The following PDE11A variants were observed in gnomAD, a reference collection of about 807,000 sequenced individuals.
PDE11A encodes the protein phosphodiesterase 11A.
In PDE11A, 100 loss-of-function variants were observed where a neutral mutation model predicts 100.5. The observed-to-expected ratio is 1.00, with a 90% CI of 0.85 to 1.18. The LOEUF (loss-of-function observed/expected upper bound fraction) is 1.18. PDE11A is among the 50% of genes most tolerant of loss of function. The pLI, the probability that PDE11A is intolerant of heterozygous loss-of-function variation, is 0.00. For synonymous variants in PDE11A, 381 were observed against 420.8 expected, an observed-to-expected ratio of 0.91 and a Z score of 1.16; for missense variants, 1,141 against 1,152.6, an observed-to-expected ratio of 0.99 and a Z score of 0.15.
At chr2:177,947,051 G>A (rs1342156305) in intron 2 of PDE11A, among the ~76,000 whole-genome samples, 3 of 103,494 alleles carry the variant, frequency 2.9e-5, no homozygotes, top group African/African-American at 7.1e-5. Context: ...CGCCCCGTCC[G>A]GGAGGTGAGG....
intron 10 of PDE11A, among the ~76,000 whole-genome samples, chr2:177,741,904 C>T (rs1207076811): frequency 7.9e-5 from 12 of 152,238 alleles, no homozygotes; most frequent in South Asian, 4.1e-4. Context: ...CAGTGGTGCA[C>T]GCCTGCAGTC....
At position 177,932,749 on chromosome 2, in the gene PDE11A, T is replaced by C. The variant is rs748115149; in HGVS notation, c.1072-27562A>G. Among the ~76,000 whole-genome samples the C allele has an allele frequency of 7.6e-4, 115 of 151,302 alleles. 1 individual carries two copies. The highest frequency in any genetic ancestry group is 2.9e-4 in the Non-Finnish European group (20 of 67,908). On this transcript the variant is annotated intron_variant, in intron 2 of 19. Transcript: ENST00000286063. The stretch of plus-strand genomic sequence containing the variant: ...AACTGGAAGCATTCCTCTTGAGAAC[T>C]AGAATAAGACAAGGATCCCCACTCT...
At chr2:177,979,592 A>T (rs2085854539) in intron 2 of PDE11A, among the ~76,000 whole-genome samples, 1 of 144,030 alleles carries the variant, frequency 6.9e-6, no homozygotes, top group African/African-American at 2.6e-5. Flanking sequence ...TCAAGTGTGA[A>T]TGGATATCCT....
intron 2 of PDE11A, among the ~76,000 whole-genome samples, chr2:178,095,969 C>T (rs899498799): frequency 6.6e-6 from 1 of 152,120 alleles, no homozygotes; most frequent in Non-Finnish European, 1.5e-5. Context: ...CTGGGCTTGG[C>T]CCACAAAACC....
rs765339865 is a variant in PDE11A, at chr2:178,071,920, CT to C, written c.517del (p.Ser173ValfsTer8). Reference protein sequence around the residue: ...SLPPTTAHILSALLESRVNLP... With the variant: ...SLPPTTAHILXALLESRVNLP... ...ATTCACTCTCGATTCCAGCAGCGCACTGAGAATATGGGCTGTGGTGGGGGGC... is the reference window on the plus strand; with the variant it reads ...ATTCACTCTCGATTCCAGCAGCGCACGAGAATATGGGCTGTGGTGGGGGGC... On this transcript the variant is annotated frameshift_variant, in exon 1 of 20. Transcript: ENST00000286063. LOFTEE classifies it high-confidence loss of function. The C allele has an allele frequency of 8.1e-6, 13 of 1,614,008 alleles. No individual in the cohort carries two copies. Among genetic ancestry groups the C allele is most frequent in the Non-Finnish European group, 1.1e-5 (13 of 1,179,872 alleles).
At chr2:177,936,687 G>A (rs951803934) in intron 2 of PDE11A, among the ~76,000 whole-genome samples, 5 of 152,168 alleles carry the variant, frequency 3.3e-5, no homozygotes, top group East Asian at 1.9e-4. Context: ...TTGGTAGGCC[G>A]AAGTGTGTGG....
At chr2:177,967,068 G>T (rs1045001362) in intron 2 of PDE11A, among the ~76,000 whole-genome samples, 1 of 151,804 alleles carries the variant, frequency 6.6e-6, no homozygotes, top group Non-Finnish European at 1.5e-5. Context: ...ATTGTTTACT[G>T]GTTCATTCCT....
chr2:177,828,087 T>C (rs1462349034), intron 6 of PDE11A, among the ~76,000 whole-genome samples: 5 of 152,194 alleles, frequency 3.3e-5, no homozygotes, highest in Non-Finnish European at 5.9e-5. Flanking sequence ...ATATAAGATA[T>C]AGTCTAAGAT....
chr2:177,982,069 C>A (rs531301595), intron 2 of PDE11A, among the ~76,000 whole-genome samples: 13 of 151,122 alleles, frequency 8.6e-5, no homozygotes, highest in African/African-American at 3.1e-4. Flanking sequence ...GAATGGTGTG[C>A]TAATCGTCTA....
chr2:177,643,711 A>C (rs1231117772), intron 19 of PDE11A, among the ~76,000 whole-genome samples: 1 of 152,232 alleles, frequency 6.6e-6, no homozygotes, highest in Non-Finnish European at 1.5e-5. Context: ...AGGCCATGTC[A>C]GTGGTCTTCA....
chr2:177,760,043 T>C (rs905730227), intron 10 of PDE11A, among the ~76,000 whole-genome samples: 1 of 152,128 alleles, frequency 6.6e-6, no homozygotes, highest in Non-Finnish European at 1.5e-5. Flanking sequence ...ATTTTCCTAC[T>C]CCGCCACTTG....
chr2:177,817,288 C>T (rs2083055902), intron 8 of PDE11A, among the ~76,000 whole-genome samples: 1 of 152,108 alleles, frequency 6.6e-6, no homozygotes, highest in Admixed American at 6.6e-5. Context: ...CTATAAAATA[C>T]TTTGGTAAAG....
intron 19 of PDE11A, among the ~76,000 whole-genome samples, chr2:177,661,805 A>G (rs990689124): frequency 1.3e-5 from 2 of 152,212 alleles, no homozygotes; most frequent in African/African-American, 4.8e-5. Flanking sequence ...TTTCAGCATG[A>G]CACATCTCTC....
chr2:177,792,816 A>G (rs2082651925), intron 9 of PDE11A, among the ~76,000 whole-genome samples: 1 of 152,216 alleles, frequency 6.6e-6, no homozygotes, highest in Admixed American at 6.5e-5. Context: ...CATTCATTCA[A>G]TCAAGACATA....
intron 13 of PDE11A, 98 bp from the exon 14 acceptor site, chr2:177,701,309 C>G: frequency 1.4e-6 from 1 of 733,204 alleles, no homozygotes; most frequent in Non-Finnish European, 2.5e-6. Flanking sequence ...GGCAAAGGAC[C>G]ATGAGCAGAC....
chr2:178,053,746 T>A (rs1309573426), intron 1 of PDE11A, among the ~76,000 whole-genome samples: 1 of 152,228 alleles, frequency 6.6e-6, no homozygotes, highest in East Asian at 1.9e-4. Flanking sequence ...ACATCATGAG[T>A]GAACTCCCAT....
chr2:177,845,216 C>G (rs1334930682), intron 5 of PDE11A, among the ~76,000 whole-genome samples: 1 of 150,256 alleles, frequency 6.7e-6, no homozygotes, highest in Admixed American at 6.6e-5. Context: ...CGGGCGGAGA[C>G]GCTCCTCACT....
chr2:177,693,910 C>T (rs758365719), intron 15 of PDE11A, among the ~76,000 whole-genome samples: 61 of 152,294 alleles, frequency 4.0e-4, no homozygotes, highest in South Asian at 6.2e-4. Flanking sequence ...ATAAAAACAT[C>T]GGGGCGACAG....
chr2:177,869,059 A>T (rs2084079028), intron 5 of PDE11A, among the ~76,000 whole-genome samples: 1 of 152,262 alleles, frequency 6.6e-6, no homozygotes. Flanking sequence ...ATGTGCATGC[A>T]TGCATGAGTG....
Sources: gnomAD v4.1 joint callset for allele counts (sites outside exome capture counted in the v4.1 genomes callset) on GRCh38, gnomAD v4.1.1 for gene constraint, MANE v1.5 for transcripts, NCBI Gene and HGNC (gene_info 2026-07-23, HGNC 2026-07-21) for gene names.